NMNAT3: variants seen among roughly 807,000 people sequenced by gnomAD.
NMNAT3 encodes the protein nicotinamide/nicotinic acid mononucleotide adenylyltransferase 3.
In NMNAT3, 21 loss-of-function variants were observed where a neutral mutation model predicts 24.8. That is an observed-to-expected ratio of 0.85 (90% CI 0.60 to 1.22). The LOEUF (loss-of-function observed/expected upper bound fraction) is 1.22, where lower values mean the gene tolerates loss of function less well. Ranked by LOEUF, NMNAT3 falls within the 50% of genes most tolerant of loss-of-function variation. The pLI is 0.00. For synonymous variants in NMNAT3, 136 were observed against 155.2 expected (o/e 0.88, Z 0.92); for missense variants, 387 against 436.6 (o/e 0.89, Z 1.01).
At chr3:139,610,586 T>C (rs1298004587) in intron 3 of NMNAT3, among the ~76,000 whole-genome samples, 1 of 152,248 alleles carries the variant, frequency 6.6e-6, no homozygotes, top group South Asian at 2.1e-4. Flanking sequence ...CATGAATATA[T>C]ATTAAAATCA....
intron 3 of NMNAT3, among the ~76,000 whole-genome samples, chr3:139,617,016 G>A (rs1380878188): frequency 1.3e-5 from 2 of 152,172 alleles, no homozygotes; most frequent in African/African-American, 4.8e-5. Context: ...AGCCAAGAAT[G>A]TTCTTTTTCT....
Position 139,582,943 on chromosome 3 carries a change from A to G in NMNAT3, c.375T>C (p.Thr125=). 1 of 1,506,942 alleles carries G rather than the reference A, an allele frequency of 6.6e-7. No individual in the cohort carries two copies. The highest frequency in any genetic ancestry group is 8.9e-7 in the Non-Finnish European group (1 of 1,128,338). The allele number at this position is 1,506,942 out of a possible 1,614,324, so 93.3% of individuals were successfully genotyped here. Residue 125 remains threonine, a synonymous_variant, in exon 4 of 7, where the codon ACT becomes ACC. Transcript: ENST00000643695. ...ATTTTTTACCTTGAAGTCGCTCATC[A>G]GTGAATATTTTGTTTGTTTGGTTCC...
chr3:139,645,926 T>C (rs1254404067), intron 1 of NMNAT3, among the ~76,000 whole-genome samples: 1 of 152,114 alleles, frequency 6.6e-6, no homozygotes, highest in Non-Finnish European at 1.5e-5. Flanking sequence ...AATAGAATCA[T>C]CAAAAGTGAG....
At chr3:139,598,643 C>T (rs892297242) in intron 3 of NMNAT3, among the ~76,000 whole-genome samples, 7 of 152,148 alleles carry the variant, frequency 4.6e-5, no homozygotes, top group African/African-American at 1.7e-4. Flanking sequence ...ACAAGCCACC[C>T]AGTTGTGCTC....
chr3:139,588,301 G>A lies in NMNAT3; in HGVS notation c.110-5093C>T, dbSNP rs145182447. Among the ~76,000 whole-genome samples, 7 of 152,178 alleles carry A rather than the reference G, an allele frequency of 4.6e-5. No individual in the cohort carries two copies. In the East Asian group the frequency reaches 7.7e-4, roughly 17 times the overall value. On this transcript the variant is annotated intron_variant, in intron 3 of 6. Transcript: ENST00000643695. ...CTTAAGGACGTGAACTTGTCTTTTC[G>A]TTCTGGGTAACACGACGAGCACATT...
At chr3:139,639,616 T>A (rs1174126474) in intron 1 of NMNAT3, among the ~76,000 whole-genome samples, 1 of 152,206 alleles carries the variant, frequency 6.6e-6, no homozygotes, top group Admixed American at 6.5e-5. Context: ...TGTGGCCATC[T>A]TCACATCCTC....
Position 139,627,694 on chromosome 3 carries a change from C to T in NMNAT3, c.31G>A (p.Ala11Thr). 2 of 1,595,892 alleles carry T rather than the reference C, an allele frequency of 1.3e-6. No homozygotes were observed. Among genetic ancestry groups the T allele is most frequent in the Non-Finnish European group, 1.7e-6 (2 of 1,178,440 alleles). Residue 11 changes from alanine (A) to threonine (T), a missense_variant, in exon 3 of 7, where the codon GCC becomes ACC. Physicochemically the swap from Ala to Thr is moderately conservative, Grantham distance 58. Around this residue, in one of 3 missense-constraint regions of NMNAT3, gnomAD observed 51 missense variants for 55.6 expected, o/e 0.92. Coordinates refer to ENST00000643695, the MANE Select transcript of NMNAT3 (RefSeq NM_001320510.2). Reference sequence around the variant, plus strand: ...GTGATGGGGTTAAAGGAGCCACAGGCCAGGAGCACCACAGGTATTCGGCTC... The same window carrying T: ...GTGATGGGGTTAAAGGAGCCACAGGTCAGGAGCACCACAGGTATTCGGCTC...
chr3:139,629,080 A>C (rs920303545), intron 2 of NMNAT3, among the ~76,000 whole-genome samples: 1 of 152,190 alleles, frequency 6.6e-6, no homozygotes, highest in Non-Finnish European at 1.5e-5. Context: ...AAACTTGCTT[A>C]CAACAAACAG....
intron 3 of NMNAT3, among the ~76,000 whole-genome samples, chr3:139,585,248 C>T (rs1389484980): frequency 1.3e-5 from 2 of 152,074 alleles, no homozygotes; most frequent in Non-Finnish European, 2.9e-5. Context: ...TCAGTTTCTA[C>T]TCCATGTATT....
chr3:139,658,922 C>T (rs2108417180), intron 1 of NMNAT3, among the ~76,000 whole-genome samples: 1 of 152,242 alleles, frequency 6.6e-6, no homozygotes, highest in East Asian at 1.9e-4. Flanking sequence ...TCCCTTCCCT[C>T]TCAATCCCCC....
At chr3:139,603,106 G>A (rs1409159220) in intron 3 of NMNAT3, among the ~76,000 whole-genome samples, 3 of 152,162 alleles carry the variant, frequency 2.0e-5, no homozygotes, top group Non-Finnish European at 4.4e-5. Context: ...AAAGGGTTAA[G>A]TGATCAAATA....
chr3:139,588,277 T>A (rs574855347), intron 3 of NMNAT3, among the ~76,000 whole-genome samples: 166 of 152,270 alleles, frequency 1.1e-3, no homozygotes, highest in Admixed American at 2.0e-3. Context: ...TGAGCGCTCC[T>A]TAAGGACGTG....
intron 1 of NMNAT3, among the ~76,000 whole-genome samples, chr3:139,674,595 T>C (rs2057864899): frequency 6.6e-6 from 1 of 152,200 alleles, no homozygotes; most frequent in Non-Finnish European, 1.5e-5. Context: ...CAAATTATAA[T>C]TTTGCAGGTT....
At chr3:139,611,431 T>C (rs2055210159) in intron 3 of NMNAT3, among the ~76,000 whole-genome samples, 2 of 152,304 alleles carry the variant, frequency 1.3e-5, no homozygotes, top group African/African-American at 2.4e-5. Flanking sequence ...TAATTCACAA[T>C]TGAGGAAACA....
intron 3 of NMNAT3, among the ~76,000 whole-genome samples, chr3:139,617,616 A>G (rs1176057303): frequency 1.3e-5 from 2 of 152,256 alleles, no homozygotes; most frequent in African/African-American, 4.8e-5. Flanking sequence ...CAAGTGCTAA[A>G]TAGTTGTTAA....
chr3:139,602,485 C>G (rs1387536557), intron 3 of NMNAT3, among the ~76,000 whole-genome samples: 2 of 152,186 alleles, frequency 1.3e-5, no homozygotes, highest in African/African-American at 4.8e-5. Context: ...TGGTATTTTT[C>G]AAAGTGAAGT....
At chr3:139,574,168 C>G (rs1938917297) in intron 5 of NMNAT3, among the ~76,000 whole-genome samples, 1 of 152,240 alleles carries the variant, frequency 6.6e-6, no homozygotes, top group Admixed American at 6.5e-5. Context: ...CCCAGAAAAG[C>G]TGCCTGCTCT....
At chr3:139,581,775 G>C (rs1004495850) in intron 4 of NMNAT3, among the ~76,000 whole-genome samples, 6 of 152,114 alleles carry the variant, frequency 3.9e-5, no homozygotes, top group Non-Finnish European at 8.8e-5. Flanking sequence ...GCAGGGGTTG[G>C]ATATGTTCAT....
chr3:139,582,362 C>T (rs140218125), intron 4 of NMNAT3, among the ~76,000 whole-genome samples: 6 of 151,814 alleles, frequency 4.0e-5, no homozygotes, highest in Non-Finnish European at 7.4e-5. Flanking sequence ...TACACTTAGG[C>T]CGGACATGAT....
Sources: allele counts gnomAD v4.1 joint callset (sites outside exome capture counted in the v4.1 genomes callset), GRCh38; gene constraint gnomAD v4.1.1; regional missense constraint gnomAD v4.1.1; transcripts MANE v1.5; gene names NCBI Gene and HGNC (gene_info 2026-07-23, HGNC 2026-07-21).